The following CELF2 variants were observed in gnomAD, a reference collection of about 807,000 sequenced individuals.
CELF2 encodes CUGBP Elav-like family member 2.
CELF2 carries 8 observed loss-of-function variants against 62.6 expected under a neutral mutation model. The ratio of observed to expected loss-of-function variants is 0.13; its 90% CI spans 0.07 to 0.23. The LOEUF is 0.23. Ranked by LOEUF, CELF2 falls within the 10% of genes least tolerant of loss-of-function variation. The pLI is 1.00. For synonymous variants in CELF2, 258 were observed against 250.0 expected (o/e 1.03, Z -0.30); for missense variants, 333 against 671.0 (o/e 0.50, Z 5.56).
chr10:11,275,214 C>T, intron 8 of CELF2, 94 bp downstream of exon 8: 1 of 1,220,560 alleles, frequency 8.2e-7, no homozygotes, highest in Admixed American at 1.7e-5. Flanking sequence ...GGGAAGAGAA[C>T]CAAGAATGAT....
chr10:11,133,170 A>G (rs1305130214), intron 1 of CELF2, among the ~76,000 whole-genome samples: 1 of 152,230 alleles, frequency 6.6e-6, no homozygotes, highest in African/African-American at 2.4e-5. Flanking sequence ...AAAGAAGGCA[A>G]ACACATCTAA....
the CELF2 span, among the ~76,000 whole-genome samples, chr10:10,501,992 G>C: frequency 6.6e-6 from 1 of 151,990 alleles, no homozygotes; most frequent in Non-Finnish European, 1.5e-5. Context: ...ATGGGCAAAT[G>C]CTTTTTCTGT....
intron 2 of CELF2, among the ~76,000 whole-genome samples, chr10:11,195,491 G>A (rs2057222765): frequency 6.6e-6 from 1 of 152,176 alleles, no homozygotes; most frequent in Non-Finnish European, 1.5e-5. Flanking sequence ...ATCCATCCAG[G>A]CGGATGGCAG....
intron 1 of CELF2, among the ~76,000 whole-genome samples, chr10:10,909,510 CCTCCCGTGTTCCTT>C (rs2063625319): frequency 6.6e-6 from 1 of 152,206 alleles, no homozygotes; most frequent in Admixed American, 6.5e-5. Flanking sequence ...TCCACCAGAA[CCTCCCGTGTTCCTT>C]CTGCCCTGGT....
chr10:10,468,085 C>T, the CELF2 span, among the ~76,000 whole-genome samples: 2 of 151,958 alleles, frequency 1.3e-5, no homozygotes, highest in South Asian at 2.1e-4. Context: ...AGAGACAAAT[C>T]AGGAATGCAA....
At chr10:10,792,061 G>GGAAGGAGGGAGA in the CELF2 span, among the ~76,000 whole-genome samples, 1 of 130,350 alleles carries the variant, frequency 7.7e-6, no homozygotes, top group African/African-American at 2.7e-5. Flanking sequence ...AAGGAAGGAA[G>GGAAGGAGGGAGA]GAGGGAGGAA....
the CELF2 span, among the ~76,000 whole-genome samples, chr10:10,726,519 C>T: frequency 6.6e-6 from 1 of 152,172 alleles, no homozygotes; most frequent in East Asian, 1.9e-4. Context: ...ACCGACCTGC[C>T]TTTCTCTCTC....
At position 11,145,200 on chromosome 10, in the gene CELF2, A is replaced by G. The variant is rs74369289; in HGVS notation, c.75-20286A>G. ...TCCATGAAAGGAAAAAGCCCAGGCT[A>G]AAAATACAGAACAGAACAAATGTAA... On this transcript the variant is annotated intron_variant, in intron 1 of 12. Coordinates refer to ENST00000633077, the MANE Select transcript of CELF2 (RefSeq NM_001326342.2). This position sits in a 1 kb window ranked among gnomAD's most constrained non-coding sequence, Gnocchi z 4.3. Among the ~76,000 whole-genome samples the G allele has an allele frequency of 0.018, 2,691 of 152,346 alleles. 60 individuals carry two copies. Among genetic ancestry groups the G allele is most frequent in the Admixed American group, 0.051 (785 of 15,300 alleles).
In CELF2 at chr10:11,156,292, A is replaced by G. The variant is rs592033; in HGVS notation, c.75-9194A>G. On this transcript the variant is annotated intron_variant, in intron 1 of 12. Coordinates refer to ENST00000633077, the MANE Select transcript of CELF2 (RefSeq NM_001326342.2). The surrounding 1 kb of genome is among the most constrained non-coding windows in gnomAD (Gnocchi z 4.3). ...TAACATGGCTCTTAATAGTGGCGAC[A>G]GATCACATGACGTGTGATTTAATTT... 0.49 allele frequency among the ~76,000 whole-genome samples: 74,807 copies of G among 151,890 alleles called. 20,208 individuals are homozygous for G. Among genetic ancestry groups the G allele is most frequent in the East Asian group, 0.82 (4,263 of 5,168 alleles).
At chr10:10,924,458 A>T (rs1271153285) in intron 2 of CELF2, among the ~76,000 whole-genome samples, 1 of 152,182 alleles carries the variant, frequency 6.6e-6, no homozygotes, top group Non-Finnish European at 1.5e-5. Context: ...AAATGAAGGG[A>T]TATAATAGAC....
intron 1 of CELF2, among the ~76,000 whole-genome samples, chr10:11,051,822 C>A (rs961624763): frequency 1.3e-5 from 2 of 152,060 alleles, no homozygotes; most frequent in Non-Finnish European, 2.9e-5. Flanking sequence ...GTAGGATTAA[C>A]CATACAATCT....
chr10:11,101,861 G>A (rs563515614), intron 1 of CELF2, among the ~76,000 whole-genome samples: 5 of 152,052 alleles, frequency 3.3e-5, no homozygotes, highest in Non-Finnish European at 7.4e-5. Flanking sequence ...CTGTACTTTT[G>A]TTGACAATTT....
At chr10:10,732,525 T>C in the CELF2 span, among the ~76,000 whole-genome samples, 1 of 148,902 alleles carries the variant, frequency 6.7e-6, no homozygotes, top group Non-Finnish European at 1.5e-5. Context: ...CTCTCCTTTT[T>C]TTTTTTTTTT....
intron 1 of CELF2, among the ~76,000 whole-genome samples, chr10:11,044,395 G>A (rs117449307): frequency 0.015 from 2,259 of 152,160 alleles, 22 homozygotes; most frequent in African/African-American, 0.026. Context: ...CTCCCTTTTG[G>A]CATCACTCAG....
rs374903588 is a variant in CELF2 at position 11,305,609 on chromosome 10, C to T, written c.977-8530C>T. Among the ~76,000 whole-genome samples the T allele has an allele frequency of 2.4e-4, 37 of 152,296 alleles. No individual in the cohort carries two copies. Among genetic ancestry groups the T allele is most frequent in the African/African-American group, 7.0e-4 (29 of 41,554 alleles). Reference sequence around the variant, plus strand: ...TCTCAGCTCTGTTGGAGATATTATACGGGAGTTATTCCAGGTGATGATCTA... The same window carrying T: ...TCTCAGCTCTGTTGGAGATATTATATGGGAGTTATTCCAGGTGATGATCTA... On this transcript the variant is annotated intron_variant, in intron 9 of 12. Coordinates refer to ENST00000633077, the MANE Select transcript of CELF2 (RefSeq NM_001326342.2). This position sits in a 1 kb window ranked among gnomAD's most constrained non-coding sequence, Gnocchi z 4.8.
chr10:11,106,202 C>T (rs367785992), intron 1 of CELF2, among the ~76,000 whole-genome samples: 1 of 109,230 alleles, frequency 9.2e-6, no homozygotes, highest in Non-Finnish European at 2.0e-5. Context: ...TTTTATTTTA[C>T]TTTATTTTAT....
chr10:11,002,320 C>T (rs1453178325), upstream of CELF2, among the ~76,000 whole-genome samples: 2 of 152,180 alleles, frequency 1.3e-5, no homozygotes, highest in Non-Finnish European at 2.9e-5. This position sits in a 1 kb window ranked among gnomAD's most constrained non-coding sequence, Gnocchi z 4.4. Context: ...TCCTACAACA[C>T]GTGGGAATTT....
rs1317978773 is a variant in CELF2, at chr10:11,314,015, C to T, written c.977-124C>T. ...CACAAGTACAATCCCACATGTCCTT[C>T]ACCCAAAGCCACAAGCACAGCTCCT... On this transcript the variant is annotated intron_variant, in intron 9 of 12. Coordinates refer to ENST00000633077, the MANE Select transcript of CELF2 (RefSeq NM_001326342.2). The surrounding 1 kb of genome is among the most constrained non-coding windows in gnomAD (Gnocchi z 5.3). 3.2e-5 allele frequency: 32 copies of T among 997,084 alleles called. No homozygotes were observed. The highest frequency in any genetic ancestry group is 4.8e-5 in the Non-Finnish European group (32 of 665,524). 61.8% of individuals were successfully genotyped at this position (997,084 alleles called of 1,614,324 possible).
At chr10:11,069,475 AT>A (rs58809547) in intron 1 of CELF2, among the ~76,000 whole-genome samples, 23,140 of 152,226 alleles carry the variant, frequency 0.15, 2,939 homozygotes, top group East Asian at 0.63. Flanking sequence ...GAAATACGGT[AT>A]TCATATCCAG....
Sources: gnomAD v4.1 joint callset for allele counts (sites outside exome capture counted in the v4.1 genomes callset) on GRCh38, gnomAD v4.1.1 for gene constraint, Gnocchi (gnomAD v3.1) non-coding constraint, MANE v1.5 for transcripts, NCBI Gene and HGNC (gene_info 2026-07-23, HGNC 2026-07-21) for gene names.